Variants in DNAJC11 observed in about 807,000 individuals in gnomAD.
DNAJC11 encodes the protein dnaJ homolog subfamily C member 11.
In DNAJC11, 15 loss-of-function variants were observed where a neutral mutation model predicts 78.6. The observed-to-expected ratio is 0.19, with a 90% confidence interval of 0.13 to 0.29. The LOEUF (loss-of-function observed/expected upper bound fraction) is 0.29. Ranked by LOEUF, DNAJC11 falls within the 10% of genes least tolerant of loss-of-function variation. The pLI, the probability that DNAJC11 is intolerant of heterozygous loss-of-function variation, is 1.00. For missense variants in DNAJC11, 547 were observed against 709.6 expected (o/e 0.77, Z 2.60); for synonymous variants, 292 against 272.1 (o/e 1.07, Z -0.72).
rs1484553794 is a variant in DNAJC11 at position 6,643,408 on chromosome 1, A to T, written c.1097+1150T>A. On this transcript the variant is annotated intron_variant, in intron 10 of 15. Coordinates refer to ENST00000377577, the MANE Select transcript of DNAJC11 (RefSeq NM_018198.4). Reference sequence around the variant, plus strand: ...CTCCTGCCTCAGCCTCCCAAGTAGCAGAGACTACAGGCGCCCGCCACCACG... The same window carrying T: ...CTCCTGCCTCAGCCTCCCAAGTAGCTGAGACTACAGGCGCCCGCCACCACG... 4.0e-5 allele frequency among the ~76,000 whole-genome samples: 6 copies of T among 151,062 alleles called. No individual in the cohort carries two copies. In the East Asian group the frequency reaches 9.8e-4, roughly 25 times the overall value.
intron 1 of DNAJC11, among the ~76,000 whole-genome samples, chr1:6,701,255 G>A (rs941748913): frequency 5.9e-5 from 9 of 152,240 alleles, no homozygotes; most frequent in South Asian, 2.1e-4. Flanking sequence ...GAAAGACTCG[G>A]GAACCGGAAA....
In DNAJC11 at chr1:6,645,152, G is replaced by A. The variant is rs764632876; in HGVS notation, c.895-26C>T. 2.5e-6 allele frequency: 4 copies of A among 1,583,424 alleles called. No homozygotes were observed. In the East Asian group the frequency reaches 6.8e-5, roughly 27 times the overall value. Reference sequence around the variant, plus strand: ...CTGGGGAGACAGAGGGTGCAAGGATGCGTGGCTAGGGCGTGTGACTCTGTG... The same window carrying A: ...CTGGGGAGACAGAGGGTGCAAGGATACGTGGCTAGGGCGTGTGACTCTGTG... On this transcript the variant is annotated intron_variant, in intron 8 of 15. Coordinates refer to ENST00000377577, the MANE Select transcript of DNAJC11 (RefSeq NM_018198.4). This position sits in a 1 kb window ranked among gnomAD's most constrained non-coding sequence, Gnocchi z 4.1.
At chr1:6,676,515 A>G (rs901388388) in intron 3 of DNAJC11, among the ~76,000 whole-genome samples, 4 of 152,158 alleles carry the variant, frequency 2.6e-5, no homozygotes, top group African/African-American at 9.6e-5. Flanking sequence ...CCCCATCTCT[A>G]CAAAAAATTT....
chr1:6,639,571 A>G (rs184458419), intron 11 of DNAJC11, among the ~76,000 whole-genome samples: 2 of 152,208 alleles, frequency 1.3e-5, no homozygotes, highest in Admixed American at 6.5e-5. Flanking sequence ...ACCTCGGGTA[A>G]TCCACCTGCC....
intron 1 of DNAJC11, among the ~76,000 whole-genome samples, chr1:6,699,322 G>T (rs1642888840): frequency 6.6e-6 from 1 of 152,012 alleles, no homozygotes; most frequent in African/African-American, 2.4e-5. Flanking sequence ...AATTTCTTTG[G>T]CTCCCATCCG....
chr1:6,652,552 G>A (rs1183070738), intron 6 of DNAJC11, among the ~76,000 whole-genome samples: 1 of 152,158 alleles, frequency 6.6e-6, no homozygotes, highest in Non-Finnish European at 1.5e-5. Context: ...TGATTCTCCT[G>A]CCTCAGCCTC....
intron 6 of DNAJC11, 83 bp downstream of exon 6, chr1:6,652,746 T>A: frequency 6.3e-7 from 1 of 1,578,048 alleles, no homozygotes; most frequent in Non-Finnish European, 8.6e-7. Context: ...CCAGGGTGAG[T>A]TTGAGGGTGA....
At chr1:6,662,621 C>T (rs1402786975) in intron 4 of DNAJC11, among the ~76,000 whole-genome samples, 1 of 152,062 alleles carries the variant, frequency 6.6e-6, no homozygotes, top group East Asian at 1.9e-4. Flanking sequence ...TGTAAAAACG[C>T]ACCAATCAGT....
At chr1:6,643,941 G>A (rs1641924617) in intron 10 of DNAJC11, among the ~76,000 whole-genome samples, 2 of 151,852 alleles carry the variant, frequency 1.3e-5, no homozygotes, top group Admixed American at 6.6e-5. Flanking sequence ...AGCGATCCTG[G>A]CTCACTGCAA....
chr1:6,646,454 G>A (rs1175637227), intron 7 of DNAJC11, among the ~76,000 whole-genome samples: 7 of 152,176 alleles, frequency 4.6e-5, no homozygotes, highest in Admixed American at 4.6e-4. Flanking sequence ...GGAGTGCTAA[G>A]TGTCCCAATG....
intron 1 of DNAJC11, among the ~76,000 whole-genome samples, chr1:6,681,313 T>A (rs1464650998): frequency 2.0e-5 from 3 of 152,272 alleles, no homozygotes; most frequent in African/African-American, 7.2e-5. Context: ...CTCAGTGTGC[T>A]CTGAGCTGAA....
At chr1:6,672,135 T>A (rs922868776) in intron 3 of DNAJC11, among the ~76,000 whole-genome samples, 1 of 152,186 alleles carries the variant, frequency 6.6e-6, no homozygotes, top group Non-Finnish European at 1.5e-5. Flanking sequence ...GCACCCGGCC[T>A]GGATAGAAAT....
chr1:6,667,667 C>T (rs750609637), intron 4 of DNAJC11, 42 bp downstream of exon 4: 1 of 1,557,758 alleles, frequency 6.4e-7, no homozygotes, highest in Non-Finnish European at 8.9e-7. Flanking sequence ...GTTATGAGGC[C>T]TTTTCATGAA....
chr1:6,669,513 T>TAGAAAAGAAAAGAAAAGAAAAGAAA (rs60740818), intron 3 of DNAJC11, among the ~76,000 whole-genome samples: 59 of 121,846 alleles, frequency 4.8e-4, no homozygotes, highest in African/African-American at 8.3e-4. Flanking sequence ...AACTCTGTCT[T>TAGAAAAGAAAAGAAAAGAAAAGAAA]AGAAAAGAAA....
intron 1 of DNAJC11, among the ~76,000 whole-genome samples, chr1:6,695,620 T>G (rs1642821714): frequency 1.3e-5 from 1 of 79,516 alleles, no homozygotes; most frequent in African/African-American, 4.9e-5. Context: ...TGAAACCCTA[T>G]CTCTACTAAA....
Position 6,653,749 on chromosome 1 carries a change from C to T in DNAJC11, c.507+162G>A, listed in dbSNP as rs998174629. ...CACATGCCAGCACAGCGGTAACACA[C>T]GGCTGGGAATGAAGCGCTTTCTTTT... On this transcript the variant is annotated intron_variant, in intron 5 of 15. Coordinates refer to ENST00000377577, the MANE Select transcript of DNAJC11 (RefSeq NM_018198.4). This position sits in a 1 kb window ranked among gnomAD's most constrained non-coding sequence, Gnocchi z 4.5. The T allele has an allele frequency of 2.6e-5, 24 of 937,806 alleles. No homozygotes were observed. The highest frequency in any genetic ancestry group is 7.9e-5 in the Admixed American group (3 of 37,892). 58.1% of individuals were successfully genotyped at this position (937,806 alleles called of 1,614,324 possible).
chr1:6,665,220 A>T lies in DNAJC11; in HGVS notation c.378+2489T>A, dbSNP rs192567480. 3.3e-5 allele frequency among the ~76,000 whole-genome samples: 5 copies of T among 152,240 alleles called. No homozygotes were observed. The East Asian group carries it at 9.7e-4, about 29-fold the overall frequency. Reference sequence around the variant, plus strand: ...GTAGCCTGGACTACAGGTATGTGCCACTGTGCTCAGCTAATTTGTAAATAT... The same window carrying T: ...GTAGCCTGGACTACAGGTATGTGCCTCTGTGCTCAGCTAATTTGTAAATAT... On this transcript the variant is annotated intron_variant, in intron 4 of 15. Coordinates refer to ENST00000377577, the MANE Select transcript of DNAJC11 (RefSeq NM_018198.4).
intron 3 of DNAJC11, among the ~76,000 whole-genome samples, chr1:6,676,530 A>T (rs1410566218): frequency 6.6e-6 from 1 of 151,952 alleles, no homozygotes; most frequent in Admixed American, 6.6e-5. Context: ...AAATTTAAAA[A>T]TTAGCTAGGC....
intron 3 of DNAJC11, among the ~76,000 whole-genome samples, chr1:6,673,064 C>T (rs377715127): frequency 1.3e-4 from 20 of 151,784 alleles, no homozygotes; most frequent in African/African-American, 4.4e-4. Context: ...GGCATGGTGG[C>T]GGGCGCCCAT....
Sources: gnomAD v4.1 joint callset for allele counts (sites outside exome capture counted in the v4.1 genomes callset) on GRCh38, gnomAD v4.1.1 for gene constraint, Gnocchi (gnomAD v3.1) non-coding constraint, MANE v1.5 for transcripts, NCBI Gene and HGNC (gene_info 2026-07-23, HGNC 2026-07-21) for gene names.